The following HINT3 variants were observed in gnomAD, a reference collection of about 807,000 sequenced individuals.
HINT3 encodes the protein adenosine 5'-monophosphoramidase HINT3.
In HINT3, 16 loss-of-function variants were observed where a neutral mutation model predicts 19.1. That is an observed-to-expected ratio of 0.84 (90% confidence interval 0.57 to 1.27). HINT3 has a LOEUF of 1.27. HINT3 is among the 50% of genes most tolerant of loss of function. The pLI is 0.00. For synonymous variants in HINT3, 75 were observed against 84.8 expected (o/e 0.88, Z 0.63); for missense variants, 197 against 225.8 (o/e 0.87, Z 0.82).
chr6:125,960,671 A>AGGCGG lies in HINT3; in HGVS notation c.201+3493_201+3494insGGCGG, dbSNP rs1562211533. The stretch of plus-strand genomic sequence containing the variant: ...GACTCTCTCTGGGGGGGGGGAAAAA[A>AGGCGG]AAAGAAGTTAGGGCAAGCAAGTGGC... On this transcript the variant is annotated intron_variant, in intron 1 of 4. Transcript: ENST00000229633. Among the ~76,000 whole-genome samples the AGGCGG allele has an allele frequency of 7.6e-5, 7 of 92,516 alleles. 1 individual carries two copies. The highest frequency in any genetic ancestry group is 1.3e-4 in the Non-Finnish European group (6 of 44,618). 60.7% of individuals were successfully genotyped at this position (92,516 alleles called of 152,430 possible).
chr6:125,961,527 C>G (rs1482704752), intron 1 of HINT3, among the ~76,000 whole-genome samples: 1 of 152,188 alleles, frequency 6.6e-6, no homozygotes, highest in Non-Finnish European at 1.5e-5. Context: ...ACAAGCTTCT[C>G]TTTGGGTTCT....
intron 1 of HINT3, among the ~76,000 whole-genome samples, chr6:125,962,599 C>T (rs2128710868): frequency 6.6e-6 from 1 of 152,102 alleles, no homozygotes; most frequent in African/African-American, 2.4e-5. Context: ...AATTCAGGTA[C>T]AAAAGAGAAA....
At chr6:125,963,775 A>G (rs1788978549) in intron 1 of HINT3, among the ~76,000 whole-genome samples, 1 of 152,224 alleles carries the variant, frequency 6.6e-6, no homozygotes, top group Non-Finnish European at 1.5e-5. Context: ...AAACATCTAT[A>G]AAGTCTCCTT....
In HINT3 at chr6:125,977,760, AAGATTTG is replaced by A. The variant is rs1252502881; in HGVS notation, c.*85_*91del. ...CCCTTTTAAGTCTAATTGCAATTTT[AAGATTTG>A]TTGGGTTTTATGAGAGGCTGTTACT... On this transcript the variant is annotated 3_prime_UTR_variant, in exon 5 of 5. Transcript: ENST00000229633. The A allele has an allele frequency of 4.0e-6, 3 of 756,164 alleles. 1 individual carries two copies. The Admixed American group carries it at 8.6e-5, about 22-fold the overall frequency. 46.8% of individuals were successfully genotyped at this position (756,164 alleles called of 1,614,324 possible). A position where few individuals can be genotyped will look rare whatever the true frequency, so the allele number is the denominator to read the frequency against.
chr6:125,962,191 T>TATATATATATATATATACAC (rs1788939233), intron 1 of HINT3, among the ~76,000 whole-genome samples: 1 of 35,744 alleles, frequency 2.8e-5, no homozygotes, highest in Non-Finnish European at 4.6e-5. Context: ...TATATACACA[T>TATATATATATATATATACAC]ATATATATAT....
intron 2 of HINT3, among the ~76,000 whole-genome samples, chr6:125,971,041 G>T (rs941457): frequency 6.6e-6 from 1 of 152,030 alleles, no homozygotes; most frequent in Non-Finnish European, 1.5e-5. Context: ...TTACTTCTTC[G>T]TCTTTCAAAT....
chr6:125,960,844 C>G (rs1788914636), intron 1 of HINT3, among the ~76,000 whole-genome samples: 1 of 152,138 alleles, frequency 6.6e-6, no homozygotes, highest in South Asian at 2.1e-4. Context: ...AGTTCTGCCT[C>G]TTCAGTCTCC....
chr6:125,961,493 G>A (rs546522403), intron 1 of HINT3, among the ~76,000 whole-genome samples: 3 of 152,296 alleles, frequency 2.0e-5, no homozygotes, highest in Admixed American at 6.5e-5. Context: ...ACTTCTGACC[G>A]ACCAGCTTGA....
chr6:125,960,794 A>G (rs558945657), intron 1 of HINT3, among the ~76,000 whole-genome samples: 1 of 152,274 alleles, frequency 6.6e-6, no homozygotes, highest in South Asian at 2.1e-4. Context: ...TTCTGTTTGC[A>G]GACCTTTGTT....
At chr6:125,957,243 A>T in intron 1 of HINT3, 65 bp downstream of exon 1, 2 of 1,461,008 alleles carry the variant, frequency 1.4e-6, no homozygotes, top group Non-Finnish European at 1.8e-6. Context: ...TCCGGCAGGG[A>T]GGCCTCGCCG....
At chr6:125,962,189 CATATATATATATATATATAT>C (rs371993982) in intron 1 of HINT3, among the ~76,000 whole-genome samples, 9,815 of 64,270 alleles carry the variant, frequency 0.15, 1,496 homozygotes, top group Middle Eastern at 0.25. Flanking sequence ...TATATATACA[CATATATATATATATATATAT>C]ACACATATAT....
intron 2 of HINT3, 68 bp downstream of exon 2, chr6:125,967,072 T>G: frequency 1.2e-5 from 12 of 1,004,732 alleles, no homozygotes; most frequent in Non-Finnish European, 1.8e-5. Context: ...GCAGTGAAGA[T>G]TAAAAAGAAA....
rs1389726159 is a variant in HINT3, at chr6:125,956,919, CTG to C, written c.-58_-57del. 8 of 1,497,514 alleles carry C rather than the reference CTG, an allele frequency of 5.3e-6. No individual in the cohort carries two copies. Among genetic ancestry groups the C allele is most frequent in the Non-Finnish European group, 7.2e-6 (8 of 1,109,518 alleles). The allele number at this position is 1,497,514 out of a possible 1,614,324, so 92.8% of individuals were successfully genotyped here. On this transcript the variant is annotated 5_prime_UTR_variant, in exon 1 of 5. Coordinates refer to ENST00000229633, the MANE Select transcript of HINT3 (RefSeq NM_138571.5). ...ACGGAGGAGGTGCGGGACGCGGAGA[CTG>C]CGCGGGCCCGGTAGCCCTGGAGAGG... is the stretch of plus-strand genomic sequence containing the variant.
At position 125,961,317 on chromosome 6, in the gene HINT3, C is replaced by G. The variant is rs534138361; in HGVS notation, c.201+4139C>G. 5.9e-5 allele frequency among the ~76,000 whole-genome samples: 9 copies of G among 152,254 alleles called. No homozygotes were observed. The South Asian group carries it at 1.9e-3, about 32-fold the overall frequency. On this transcript the variant is annotated intron_variant, in intron 1 of 4. Coordinates refer to ENST00000229633, the MANE Select transcript of HINT3 (RefSeq NM_138571.5). ...TGACCAAATGTATGGAGGTTTTCCC[C>G]CACACACCAAGCAAACAATCAGTTT...
rs1789113095 is a variant in HINT3 at position 125,972,310 on chromosome 6, C to T, written c.371C>T (p.Thr124Ile). ...GKTILERNNF[T>I]DFTNVRMGFH... ...ACCATTCTTGAAAGAAATAATTTCA[C>T]TGACTTCACGAATGTGAGGTGTGTA... Residue 124 changes from threonine to isoleucine, a missense_variant, in exon 3 of 5, where the codon ACT becomes ATT. Thr to Ile is a moderately conservative substitution (Grantham distance 89). Coordinates refer to ENST00000229633, the MANE Select transcript of HINT3 (RefSeq NM_138571.5). The T allele has an allele frequency of 6.4e-7, 1 of 1,571,680 alleles. No homozygotes were observed.
chr6:125,967,214 A>G (rs1349157947), intron 2 of HINT3, among the ~76,000 whole-genome samples: 9 of 152,302 alleles, frequency 5.9e-5, no homozygotes, highest in Non-Finnish European at 5.9e-5. Flanking sequence ...TTAGGAACTC[A>G]TGGACAATTT....
intron 1 of HINT3, among the ~76,000 whole-genome samples, chr6:125,962,461 G>A (rs2128710845): frequency 6.6e-6 from 1 of 151,466 alleles, no homozygotes; most frequent in South Asian, 2.1e-4. Context: ...TCATTAAAGG[G>A]TAAAGATTAA....
intron 2 of HINT3, among the ~76,000 whole-genome samples, chr6:125,970,323 T>C (rs1402182164): frequency 6.6e-6 from 1 of 152,208 alleles, no homozygotes; most frequent in Non-Finnish European, 1.5e-5. Context: ...AATTTAGATT[T>C]ACCTGATTGA....
chr6:125,966,775 T>C, intron 1 of HINT3, 112 bp from the exon 2 acceptor site: 1 of 650,490 alleles, frequency 1.5e-6, no homozygotes, highest in South Asian at 2.2e-5. Context: ...GGGTTAGGTG[T>C]AACATAAGTA....
Sources: allele counts gnomAD v4.1 joint callset (sites outside exome capture counted in the v4.1 genomes callset), GRCh38; gene constraint gnomAD v4.1.1; transcripts MANE v1.5; gene names NCBI Gene and HGNC (gene_info 2026-07-23, HGNC 2026-07-21).